TBC1D4: variants seen among roughly 807,000 people sequenced by gnomAD.
The protein encoded by TBC1D4 is TBC (Tre-2, BUB2, CDC16) domain-containing protein.
TBC1D4 carries 121 observed loss-of-function variants against 142.5 expected under a neutral mutation model. The observed-to-expected ratio is 0.85, with a 90% CI of 0.73 to 0.99. The LOEUF is 0.99. TBC1D4 is among the 50% of genes least tolerant of loss of function. The pLI, the probability that TBC1D4 is intolerant of heterozygous loss-of-function variation, is 0.00. For missense variants in TBC1D4, 1,475 were observed against 1,606.6 expected, an observed-to-expected ratio of 0.92 and a Z score of 1.40; for synonymous variants, 630 against 628.2, an observed-to-expected ratio of 1.00 and a Z score of -0.04.
At chr13:75,452,709 G>C (rs1161834671) in intron 1 of TBC1D4, among the ~76,000 whole-genome samples, 1 of 152,174 alleles carries the variant, frequency 6.6e-6, no homozygotes, top group Non-Finnish European at 1.5e-5. Flanking sequence ...GAACTATACG[G>C]TATTAAATCA....
chr13:75,384,387 G>A (rs1217170833), intron 1 of TBC1D4, among the ~76,000 whole-genome samples: 1 of 152,094 alleles, frequency 6.6e-6, no homozygotes, highest in Non-Finnish European at 1.5e-5. Context: ...AGCGAGCTGA[G>A]ATTGCTGCAC....
intron 1 of TBC1D4, among the ~76,000 whole-genome samples, chr13:75,467,334 T>C (rs766697052): frequency 2.0e-5 from 3 of 152,248 alleles, no homozygotes; most frequent in African/African-American, 4.8e-5. Context: ...GCAATATCTA[T>C]GTTTTTGGGT....
chr13:75,371,845 T>C (rs550923578), intron 1 of TBC1D4, among the ~76,000 whole-genome samples: 28 of 152,136 alleles, frequency 1.8e-4, no homozygotes, highest in Non-Finnish European at 2.9e-4. Flanking sequence ...GGAATAAAGT[T>C]TGAAAAAAGT....
chr13:75,433,221 C>T (rs1886661344), intron 1 of TBC1D4, among the ~76,000 whole-genome samples: 1 of 152,172 alleles, frequency 6.6e-6, no homozygotes, highest in Non-Finnish European at 1.5e-5. Context: ...CAGTGGCATT[C>T]CTCAGCCTTA....
chr13:75,467,431 C>T (rs1427000070), intron 1 of TBC1D4, among the ~76,000 whole-genome samples: 4 of 152,046 alleles, frequency 2.6e-5, no homozygotes, highest in African/African-American at 9.7e-5. Flanking sequence ...ATACATAAAC[C>T]ACATACTGCT....
chr13:75,309,681 C>CT (rs1217517126), intron 14 of TBC1D4, among the ~76,000 whole-genome samples: 1 of 152,186 alleles, frequency 6.6e-6, no homozygotes, highest in Admixed American at 6.5e-5. Flanking sequence ...TAAATATACT[C>CT]TAAGAGTTTC....
chr13:75,304,338 A>G (rs936319373), intron 15 of TBC1D4, among the ~76,000 whole-genome samples: 1 of 152,194 alleles, frequency 6.6e-6, no homozygotes, highest in African/African-American at 2.4e-5. Context: ...ACAGAGAATA[A>G]AGCAAGGCAG....
intron 1 of TBC1D4, among the ~76,000 whole-genome samples, chr13:75,453,340 A>C: frequency 6.6e-6 from 1 of 152,206 alleles, no homozygotes; most frequent in Admixed American, 6.5e-5. Flanking sequence ...TATTTCATAT[A>C]TCATAGCCTT....
intron 3 of TBC1D4, among the ~76,000 whole-genome samples, chr13:75,357,715 T>G (rs769065746): frequency 2.6e-5 from 4 of 152,296 alleles, no homozygotes; most frequent in Non-Finnish European, 4.4e-5. Context: ...TGTGCACTGT[T>G]AAAAATCAGG....
At chr13:75,312,427 A>AG (rs1877857066) in intron 13 of TBC1D4, among the ~76,000 whole-genome samples, 1 of 150,072 alleles carries the variant, frequency 6.7e-6, no homozygotes, top group Non-Finnish European at 1.5e-5. Context: ...AAAAAAAAAA[A>AG]GAAAGAAAGA....
At chr13:75,324,216 A>G (rs567377824) in intron 11 of TBC1D4, 21 bp downstream of exon 11, 8 of 1,613,604 alleles carry the variant, frequency 5.0e-6, no homozygotes, top group Non-Finnish European at 6.8e-6. Flanking sequence ...TTGCTTTGCA[A>G]ACAGAGGACA....
At chr13:75,371,509 A>G (rs1883220376) in intron 1 of TBC1D4, among the ~76,000 whole-genome samples, 1 of 152,228 alleles carries the variant, frequency 6.6e-6, no homozygotes, top group Non-Finnish European at 1.5e-5. Flanking sequence ...TTTTCTCTGT[A>G]AAATAGCAAG....
At chr13:75,384,031 G>A (rs1481565761) in intron 1 of TBC1D4, among the ~76,000 whole-genome samples, 1 of 152,040 alleles carries the variant, frequency 6.6e-6, no homozygotes, top group Non-Finnish European at 1.5e-5. Context: ...GTTAAATGAC[G>A]AGTTAATGAG....
At chr13:75,318,263 T>C (rs1878477804) in intron 12 of TBC1D4, among the ~76,000 whole-genome samples, 1 of 138,790 alleles carries the variant, frequency 7.2e-6, no homozygotes, top group South Asian at 2.3e-4. Flanking sequence ...GCAAAGGTGG[T>C]GTTATACTGA....
chr13:75,355,205 T>C (rs1166146636), intron 4 of TBC1D4, among the ~76,000 whole-genome samples: 1 of 152,208 alleles, frequency 6.6e-6, no homozygotes, highest in Non-Finnish European at 1.5e-5. Context: ...GCCTGACTGA[T>C]TTCTATATGA....
chr13:75,314,138 T>C (rs1013715127), intron 12 of TBC1D4, among the ~76,000 whole-genome samples: 8 of 152,204 alleles, frequency 5.3e-5, no homozygotes. Flanking sequence ...TGAGACCAAT[T>C]ATATTTGCTG....
chr13:75,478,557 C>A (rs757110676), intron 1 of TBC1D4, among the ~76,000 whole-genome samples: 12 of 152,150 alleles, frequency 7.9e-5, no homozygotes, highest in Non-Finnish European at 2.9e-5. Flanking sequence ...ATAAATAATT[C>A]TCCACTTCAA....
chr13:75,380,963 A>T (rs1883813190), intron 1 of TBC1D4, among the ~76,000 whole-genome samples: 1 of 152,156 alleles, frequency 6.6e-6, no homozygotes, highest in Admixed American at 6.5e-5. Flanking sequence ...TCTGGGTTCC[A>T]TTCCCAGCTA....
Position 75,419,275 on chromosome 13 carries a change from G to C in TBC1D4, c.499-56668C>G, listed in dbSNP as rs146522001. Among the ~76,000 whole-genome samples, 132 of 152,218 alleles carry C rather than the reference G, an allele frequency of 8.7e-4. 1 individual carries two copies. The East Asian group carries it at 0.011, about 12-fold the overall frequency. ...AAGAGGTGTCTTTAAGCAATCATTT[G>C]GCCTCTCTACCGTTCTGCCTCTTCT... On this transcript the variant is annotated intron_variant, in intron 1 of 20. Transcript: ENST00000377636.
Sources: allele counts gnomAD v4.1 joint callset (sites outside exome capture counted in the v4.1 genomes callset), GRCh38; gene constraint gnomAD v4.1.1; transcripts MANE v1.5; gene names NCBI Gene and HGNC (gene_info 2026-07-23, HGNC 2026-07-21).